The following DDX31 variants were observed in gnomAD, a reference collection of about 807,000 sequenced individuals.
The protein encoded by DDX31 is DEAD-box helicase 31.
A neutral mutation model predicts 91.3 loss-of-function variants in DDX31; 70 were observed. That is an observed-to-expected ratio of 0.77 (90% CI 0.63 to 0.94). The LOEUF is 0.94. DDX31 is among the 40% of genes least tolerant of loss of function. The probability of loss-of-function intolerance (pLI) is 0.00; values close to 1 mark genes in which losing one functional copy is unlikely to be tolerated. For synonymous variants in DDX31, 362 were observed against 350.6 expected (o/e 1.03, Z -0.36); for missense variants, 902 against 925.0 (o/e 0.98, Z 0.32).
chr9:132,659,781 C>A lies in DDX31; in HGVS notation c.453-1G>T. ...CACAGGAATACTTTGCTTCTGAACA[C>A]TGGGCCACCCGAAAAAAAGAACACA... On this transcript the variant is annotated splice_acceptor_variant, in intron 4 of 19. Coordinates refer to ENST00000372159, the MANE Select transcript of DDX31 (RefSeq NM_022779.9). LOFTEE classifies it high-confidence loss of function. 6.2e-7 allele frequency: 1 copy of A among 1,612,876 alleles called. No individual in the cohort carries two copies. The highest frequency in any genetic ancestry group is 8.5e-7 in the Non-Finnish European group (1 of 1,179,398).
chr9:132,668,857 C>T (rs1036008688), intron 1 of DDX31, among the ~76,000 whole-genome samples: 1 of 152,174 alleles, frequency 6.6e-6, no homozygotes, highest in Non-Finnish European at 1.5e-5. Flanking sequence ...CGTGAGCCAC[C>T]GCGCCCGGCC....
intron 17 of DDX31, among the ~76,000 whole-genome samples, chr9:132,620,143 T>C (rs1392965881): frequency 2.0e-5 from 3 of 152,150 alleles, no homozygotes; most frequent in Non-Finnish European, 4.4e-5. Flanking sequence ...TCCGAATCCC[T>C]CTGTTGGTTA....
At chr9:132,669,369 T>A (rs1190814897) in intron 1 of DDX31, among the ~76,000 whole-genome samples, 1 of 151,534 alleles carries the variant, frequency 6.6e-6, no homozygotes, top group South Asian at 2.1e-4. Context: ...CAGAGCCAGT[T>A]TGGAAAGTAA....
At chr9:132,634,322 C>T (rs1319705980) in intron 14 of DDX31, among the ~76,000 whole-genome samples, 1 of 152,162 alleles carries the variant, frequency 6.6e-6, no homozygotes, top group African/African-American at 2.4e-5. Flanking sequence ...GATTCTGCCA[C>T]CACCAGTCTT....
intron 17 of DDX31, among the ~76,000 whole-genome samples, chr9:132,621,186 T>C (rs1260371919): frequency 1.3e-5 from 2 of 152,190 alleles, no homozygotes; most frequent in South Asian, 2.1e-4. Flanking sequence ...CTAAGATAAA[T>C]AGGCTGGACT....
Position 132,648,568 on chromosome 9 carries a change from A to G in DDX31, c.741-17T>C, listed in dbSNP as rs771547830. 1 of 1,593,046 alleles carries G rather than the reference A, an allele frequency of 6.3e-7. No homozygotes were observed. The highest frequency in any genetic ancestry group is 1.7e-4 in the Middle Eastern group (1 of 5,936). On this transcript the variant is annotated splice_polypyrimidine_tract_variant and intron_variant, in intron 9 of 19. Coordinates refer to ENST00000372159, the MANE Select transcript of DDX31 (RefSeq NM_022779.9). ...TTGCGGAGTCTGTTTAAAATTATAT[A>G]TCATAAAAGAAAGTAAATCAAACAG...
rs375763366 is a variant in DDX31 at position 132,669,922 on chromosome 9, C to T, written c.13G>A (p.Asp5Asn). The change falls in exon 1 of 20, where the codon GAC becomes AAC. Residue 5 changes from aspartate to asparagine, a missense_variant. Asp to Asn is a conservative substitution (Grantham distance 23). Coordinates refer to ENST00000372159, the MANE Select transcript of DDX31 (RefSeq NM_022779.9). MAAA[D>N]GSLFDNPRTF... ...CTGGGGTTGTCGAAGAGCGAACCGTCGGCGGCTGCCATGGTCTGCGTGGGT... is the reference window on the plus strand; with the variant it reads ...CTGGGGTTGTCGAAGAGCGAACCGTTGGCGGCTGCCATGGTCTGCGTGGGT... The T allele has an allele frequency of 2.5e-5, 40 of 1,593,838 alleles. No individual in the cohort carries two copies. The highest frequency in any genetic ancestry group is 3.2e-5 in the Non-Finnish European group (38 of 1,171,330).
rs143806652 is a variant in DDX31 at position 132,648,546 on chromosome 9, C to T, written c.746G>A (p.Arg249His). 5,284 of 1,607,720 alleles carry T rather than the reference C, an allele frequency of 3.3e-3. 10 individuals are homozygous for T. The highest frequency in any genetic ancestry group is 3.9e-3 in the Non-Finnish European group (4,627 of 1,178,050). ...TGAGATAAGGATATTTATTCCTTTGCGGAGTCTGTTTAAAATTATATATCA... is the reference window on the plus strand; with the variant it reads ...TGAGATAAGGATATTTATTCCTTTGTGGAGTCTGTTTAAAATTATATATCA... ...EKRKSEKARL[R>H]KGINILISTP... Residue 249 changes from arginine (R) to histidine (H), a missense_variant, in exon 10 of 20, where the codon CGC (arginine) becomes CAC (histidine). Arg to His is a conservative substitution (Grantham distance 29). Coordinates refer to ENST00000372159, the MANE Select transcript of DDX31 (RefSeq NM_022779.9).
At chr9:132,629,665 TAA>T (rs1832606961) in intron 16 of DDX31, among the ~76,000 whole-genome samples, 1 of 152,308 alleles carries the variant, frequency 6.6e-6, no homozygotes, top group African/African-American at 2.4e-5. Flanking sequence ...GAAAAAGAAA[TAA>T]GACTATCCCA....
intron 18 of DDX31, among the ~76,000 whole-genome samples, chr9:132,612,589 G>A (rs959219526): frequency 1.3e-5 from 2 of 152,212 alleles, no homozygotes; most frequent in African/African-American, 4.8e-5. Context: ...TGTCTGTTGT[G>A]TAAATGAGTG....
intron 17 of DDX31, among the ~76,000 whole-genome samples, chr9:132,618,719 T>C (rs371642156): frequency 1.2e-4 from 18 of 152,324 alleles, no homozygotes; most frequent in South Asian, 2.1e-4. Context: ...TCAAAGACCA[T>C]TGGAGACACT....
chr9:132,618,223 G>A (rs928217202), intron 18 of DDX31, 107 bp downstream of exon 18: 16 of 823,162 alleles, frequency 1.9e-5, no homozygotes, highest in Admixed American at 1.8e-4. Flanking sequence ...TGGTGAGCAG[G>A]GACCTCCATG....
chr9:132,635,505 G>C (rs893326057), intron 14 of DDX31, among the ~76,000 whole-genome samples: 1 of 139,814 alleles, frequency 7.2e-6, no homozygotes, highest in Non-Finnish European at 1.5e-5. Context: ...TGTCGCCCAG[G>C]CTGGAGTGCA....
In DDX31 at chr9:132,645,905, A is replaced by G; in HGVS notation, c.1370T>C (p.Met457Thr). The G allele has an allele frequency of 6.2e-7, 1 of 1,612,796 alleles. No homozygotes were observed. The change falls in exon 13 of 20, where the codon ATG becomes ACG. Residue 457 changes from methionine to threonine, a missense_variant. Transcript: ENST00000372159. The part of the protein sequence containing the change: ...RLKFLRLHGG[M>T]EQEERTAVFQ... ...GAGATCAGTGCTCACCTCCTGCTCC[A>G]TGCCGCCATGCAGCCGTAGGAATTT...
intron 16 of DDX31, among the ~76,000 whole-genome samples, chr9:132,626,151 A>G (rs946789360): frequency 1.3e-5 from 2 of 152,020 alleles, no homozygotes; most frequent in African/African-American, 4.8e-5. Flanking sequence ...AAAAAAAAAA[A>G]AAAGGAAGAA....
At chr9:132,618,080 C>T (rs1485732269) in intron 18 of DDX31, among the ~76,000 whole-genome samples, 2 of 152,176 alleles carry the variant, frequency 1.3e-5, no homozygotes, top group Non-Finnish European at 2.9e-5. Flanking sequence ...AAACTCTAGT[C>T]CCGATATAAG....
At position 132,662,287 on chromosome 9, in the gene DDX31, G is replaced by C; in HGVS notation, c.382C>G (p.His128Asp). ...QEKVFTSAAFHELGLHPHLIS... is the reference protein window; with the variant it reads ...QEKVFTSAAFDELGLHPHLIS... ...AAATGTGGGTGGAGGCCCAGCTCATGAAAAGCAGCTGAAGTAAACACTTTT... is the reference window on the plus strand; with the variant it reads ...AAATGTGGGTGGAGGCCCAGCTCATCAAAAGCAGCTGAAGTAAACACTTTT... Residue 128 changes from histidine to aspartate, a missense_variant, in exon 3 of 20, where the codon CAT (histidine) becomes GAT (aspartate). By Grantham distance (81) the His-to-Asp change is moderately conservative (BLOSUM62 -1). Transcript: ENST00000372159. 6.2e-7 allele frequency: 1 copy of C among 1,614,210 alleles called. No homozygotes were observed. The highest frequency in any genetic ancestry group is 8.5e-7 in the Non-Finnish European group (1 of 1,180,054).
intron 19 of DDX31, among the ~76,000 whole-genome samples, chr9:132,608,157 T>C (rs1831125568): frequency 6.6e-6 from 1 of 152,238 alleles, no homozygotes; most frequent in Admixed American, 6.5e-5. Context: ...GTTTTCGTGA[T>C]GGATGTTGCT....
In DDX31 at chr9:132,632,112, T is replaced by C. The variant is rs746253181; in HGVS notation, c.1441-21A>G. ...ACATCCTTTAACAAAGAAAAGAATA[T>C]GGTTTAACACTGAGTTTCTGAACCT... On this transcript the variant is annotated intron_variant, in intron 14 of 19. Transcript: ENST00000372159. 12 of 1,610,144 alleles carry C rather than the reference T, an allele frequency of 7.5e-6. No individual in the cohort carries two copies. The East Asian group carries it at 1.3e-4, about 18-fold the overall frequency.
Sources: gnomAD v4.1 joint callset for allele counts (sites outside exome capture counted in the v4.1 genomes callset) on GRCh38, gnomAD v4.1.1 for gene constraint, MANE v1.5 for transcripts, NCBI Gene and HGNC (gene_info 2026-07-23, HGNC 2026-07-21) for gene names.